CSMD3: variants seen among roughly 807,000 people sequenced by gnomAD.
CSMD3 encodes the protein CUB and Sushi multiple domains 3, also known as CUB and sushi domain-containing protein 3.
CSMD3 carries 177 observed loss-of-function variants against 435.2 expected under a neutral mutation model. The observed-to-expected ratio is 0.41, with a 90% CI of 0.36 to 0.46. The LOEUF is 0.46. CSMD3 is among the 20% of genes least tolerant of loss of function. The probability of loss-of-function intolerance (pLI) is 0.34; values close to 1 mark genes in which losing one functional copy is unlikely to be tolerated. For synonymous variants in CSMD3, 1,656 were observed against 1,520.5 expected (o/e 1.09, Z -2.07); for missense variants, 4,265 against 4,504.6 (o/e 0.95, Z 1.52).
At chr8:112,245,828 G>A (rs1410276846) in intron 64 of CSMD3, among the ~76,000 whole-genome samples, 2 of 152,276 alleles carry the variant, frequency 1.3e-5, no homozygotes, top group South Asian at 2.1e-4. Flanking sequence ...GTGAGCCACC[G>A]TGCCTGGCCT....
chr8:112,501,881 T>C (rs1318055978), intron 30 of CSMD3, among the ~76,000 whole-genome samples: 2 of 152,194 alleles, frequency 1.3e-5, no homozygotes, highest in South Asian at 2.1e-4. Context: ...TAAAGCTATA[T>C]GTTTCTAATT....
rs185889396 is a variant in CSMD3 at position 113,187,377 on chromosome 8, A to T, written c.515-13461T>A. Among the ~76,000 whole-genome samples the T allele has an allele frequency of 1.9e-4, 29 of 152,050 alleles. No homozygotes were observed. In the East Asian group the frequency reaches 5.1e-3, roughly 27 times the overall value. On this transcript the variant is annotated intron_variant, in intron 3 of 70. Transcript: ENST00000297405. ...CTCATCACCAACCTCAGAACAGTGA[A>T]AAGAGACTGGAAAAAAAATCACCTA...
intron 31 of CSMD3, among the ~76,000 whole-genome samples, chr8:112,480,747 C>T (rs1819553384): frequency 6.6e-6 from 1 of 152,102 alleles, no homozygotes; most frequent in African/African-American, 2.4e-5. Context: ...TCCTGTACAG[C>T]CTGCAGAATG....
At chr8:112,589,282 T>G (rs1830979807) in intron 22 of CSMD3, among the ~76,000 whole-genome samples, 1 of 152,130 alleles carries the variant, frequency 6.6e-6, no homozygotes, top group African/African-American at 2.4e-5. Context: ...TGCCCTGAGC[T>G]ACTACTGGCC....
chr8:113,243,677 G>T (rs1027012112), intron 3 of CSMD3, among the ~76,000 whole-genome samples: 2 of 152,146 alleles, frequency 1.3e-5, no homozygotes, highest in East Asian at 3.9e-4. Context: ...AACTTTTTGA[G>T]TAACTGTCAA....
chr8:112,991,400 T>A (rs1322596776), intron 6 of CSMD3, among the ~76,000 whole-genome samples: 2 of 151,780 alleles, frequency 1.3e-5, no homozygotes, highest in Non-Finnish European at 2.9e-5. Context: ...TCAACTACAG[T>A]ACATGTGCAA....
At position 113,073,027 on chromosome 8, in the gene CSMD3, C is replaced by T. The variant is rs1245844548; in HGVS notation, c.917+25729G>A. 4.4e-5 allele frequency among the ~76,000 whole-genome samples: 5 copies of T among 112,886 alleles called. No homozygotes were observed. In the Admixed American group the frequency reaches 5.2e-4, roughly 12 times the overall value. The allele number at this position is 112,886 out of a possible 152,430, so 74.1% of individuals were successfully genotyped here. On this transcript the variant is annotated intron_variant, in intron 5 of 70. Transcript: ENST00000297405. ...TATTCATACCCCCAAGGAAAAAAAC[C>T]TTCAGAAAAAAAAATGCATTACTAA... is the stretch of plus-strand genomic sequence containing the variant.
chr8:113,435,616 C>T (rs190727589), intron 1 of CSMD3, among the ~76,000 whole-genome samples: 9 of 152,050 alleles, frequency 5.9e-5, no homozygotes, highest in African/African-American at 1.9e-4. Flanking sequence ...CCGCGATCCC[C>T]CGCCCCCCCG....
chr8:113,383,929 A>T (rs1002174029), intron 1 of CSMD3, among the ~76,000 whole-genome samples: 2 of 152,082 alleles, frequency 1.3e-5, no homozygotes, highest in Admixed American at 6.6e-5. Flanking sequence ...CCCCTACCAA[A>T]ACATTCTCCA....
chr8:113,026,236 C>T (rs1367090342), intron 5 of CSMD3, among the ~76,000 whole-genome samples: 1 of 152,162 alleles, frequency 6.6e-6, no homozygotes, highest in Non-Finnish European at 1.5e-5. Context: ...AAAAAGAAGT[C>T]TCTCCCATCC....
At chr8:112,612,213 G>A (rs570343111) in intron 22 of CSMD3, among the ~76,000 whole-genome samples, 45 of 152,072 alleles carry the variant, frequency 3.0e-4, no homozygotes, top group Admixed American at 1.9e-3. Context: ...TGGTTCTTAC[G>A]ATCATTAGAC....
chr8:113,066,452 A>G (rs918836590), intron 5 of CSMD3, among the ~76,000 whole-genome samples: 1 of 152,128 alleles, frequency 6.6e-6, no homozygotes, highest in African/African-American at 2.4e-5. Context: ...CCTCTAAATG[A>G]TGAATAATTC....
chr8:113,213,031 T>C lies in CSMD3; in HGVS notation c.515-39115A>G, dbSNP rs1238881780. Among the ~76,000 whole-genome samples, 12 of 151,852 alleles carry C rather than the reference T, an allele frequency of 7.9e-5. 1 individual carries two copies. Among genetic ancestry groups the C allele is most frequent in the Non-Finnish European group, 4.4e-5 (3 of 67,960 alleles). On this transcript the variant is annotated intron_variant, in intron 3 of 70. Coordinates refer to ENST00000297405, the MANE Select transcript of CSMD3 (RefSeq NM_198123.2). ...GGAACCAGCTGTTGACTATAACAAT[T>C]TCTTATCGCATTTATATATCCCATA...
chr8:112,416,110 G>C (rs887987184), intron 32 of CSMD3, among the ~76,000 whole-genome samples: 6 of 152,114 alleles, frequency 3.9e-5, no homozygotes, highest in African/African-American at 1.2e-4. Flanking sequence ...ACCATGGGCT[G>C]TGTCCTCATC....
At chr8:112,646,912 A>G (rs1474461542) in intron 19 of CSMD3, among the ~76,000 whole-genome samples, 1 of 152,226 alleles carries the variant, frequency 6.6e-6, no homozygotes, top group Non-Finnish European at 1.5e-5. Flanking sequence ...TAAAATTACA[A>G]TGATTTACTA....
chr8:112,854,051 C>A lies in CSMD3; in HGVS notation c.1755+5094G>T, dbSNP rs146471598. On this transcript the variant is annotated intron_variant, in intron 11 of 70. Transcript: ENST00000297405. Reference sequence around the variant, plus strand: ...TGGTAATACCACAGTTTTTACTTTTCTTTCTGGATGAAAAAAGGATGGTAT... The same window carrying A: ...TGGTAATACCACAGTTTTTACTTTTATTTCTGGATGAAAAAAGGATGGTAT... Among the ~76,000 whole-genome samples, 408 of 152,286 alleles carry A rather than the reference C, an allele frequency of 2.7e-3. 3 individuals are homozygous for A. The highest frequency in any genetic ancestry group is 3.3e-3 in the Non-Finnish European group (224 of 68,004).
chr8:113,317,270 A>G (rs1019013548), intron 1 of CSMD3, among the ~76,000 whole-genome samples: 3 of 152,122 alleles, frequency 2.0e-5, no homozygotes, highest in African/African-American at 7.2e-5. Context: ...GCTATCACCC[A>G]TTTCTATTAG....
intron 8 of CSMD3, among the ~76,000 whole-genome samples, chr8:112,950,788 G>A (rs895063105): frequency 2.0e-5 from 3 of 151,858 alleles, no homozygotes; most frequent in South Asian, 2.1e-4. Flanking sequence ...CTATTAACCC[G>A]GAGCTCTATA....
intron 10 of CSMD3, among the ~76,000 whole-genome samples, chr8:112,897,694 C>CTCTGTGTGTGTGTGTGTG (rs1277884675): frequency 2.2e-5 from 2 of 90,960 alleles, no homozygotes; most frequent in African/African-American, 8.8e-5. Context: ...CTCTCTCTCT[C>CTCTGTGTGTGTGTGTGTG]TGTGTGTGTG....
Sources: gnomAD v4.1 joint callset for allele counts (sites outside exome capture counted in the v4.1 genomes callset) on GRCh38, gnomAD v4.1.1 for gene constraint, MANE v1.5 for transcripts, NCBI Gene and HGNC (gene_info 2026-07-23, HGNC 2026-07-21) for gene names.